The following HECW1 variants were observed in gnomAD, a reference collection of about 807,000 sequenced individuals.
The protein encoded by HECW1 is E3 ubiquitin-protein ligase HECW1.
HECW1 carries 61 observed loss-of-function variants against 182.3 expected under a neutral mutation model. The observed-to-expected ratio is 0.33, with a 90% CI of 0.27 to 0.41. The LOEUF (loss-of-function observed/expected upper bound fraction) is 0.41, where lower values mean the gene tolerates loss of function less well. Among genes scored for constraint, HECW1 ranks in the 10% least tolerant of loss-of-function variants. The pLI, the probability that HECW1 is intolerant of heterozygous loss-of-function variation, is 1.00. For synonymous variants in HECW1, 859 were observed against 832.6 expected (o/e 1.03, Z -0.55); for missense variants, 1,739 against 2,108.9 (o/e 0.82, Z 3.44).
chr7:43,549,134 T>G (rs888023999), intron 26 of HECW1, among the ~76,000 whole-genome samples: 1 of 152,164 alleles, frequency 6.6e-6, no homozygotes, highest in Non-Finnish European at 1.5e-5. Context: ...CAAGGAGGCC[T>G]CCTGACAGTG....
intron 2 of HECW1, among the ~76,000 whole-genome samples, chr7:43,141,111 T>C (rs1401475351): frequency 2.6e-5 from 4 of 152,208 alleles, no homozygotes; most frequent in Non-Finnish European, 5.9e-5. Flanking sequence ...CCGTCTTTGG[T>C]ATGGAGAAAG....
chr7:43,360,791 T>TA (rs1815774349), intron 5 of HECW1, 95 bp from the exon 6 acceptor site: 1 of 894,576 alleles, frequency 1.1e-6, no homozygotes, highest in Non-Finnish European at 1.9e-6. Flanking sequence ...GTGGGGGAAT[T>TA]ATGTTGCAGT....
chr7:43,370,190 G>T (rs1817155970), intron 6 of HECW1, among the ~76,000 whole-genome samples: 1 of 152,118 alleles, frequency 6.6e-6, no homozygotes, highest in African/African-American at 2.4e-5. Flanking sequence ...TTTTAAAAAT[G>T]GGCAAAACAC....
intron 5 of HECW1, among the ~76,000 whole-genome samples, chr7:43,339,360 G>A (rs529920023): frequency 1.3e-5 from 2 of 151,918 alleles, no homozygotes; most frequent in South Asian, 4.2e-4. Flanking sequence ...CCCGGTTTAC[G>A]AACCCTCTTT....
At chr7:43,337,079 T>C (rs1812389889) in intron 5 of HECW1, among the ~76,000 whole-genome samples, 1 of 152,222 alleles carries the variant, frequency 6.6e-6, no homozygotes, top group African/African-American at 2.4e-5. Context: ...TTGCTGGATC[T>C]AATGGTAGTT....
chr7:43,199,099 T>C (rs116997114), intron 2 of HECW1, among the ~76,000 whole-genome samples: 255 of 152,230 alleles, frequency 1.7e-3, no homozygotes, highest in Non-Finnish European at 2.7e-3. Context: ...CATTGCACAC[T>C]CTCTCTCTCC....
chr7:43,428,913 G>A (rs1332569125), intron 8 of HECW1, among the ~76,000 whole-genome samples: 1 of 151,868 alleles, frequency 6.6e-6, no homozygotes, highest in African/African-American at 2.4e-5. Context: ...TATAAATATA[G>A]ATATGGATAC....
chr7:43,136,827 T>C (rs1479236887), intron 2 of HECW1, among the ~76,000 whole-genome samples: 1 of 152,090 alleles, frequency 6.6e-6, no homozygotes, highest in Non-Finnish European at 1.5e-5. Flanking sequence ...GCACGTCCAC[T>C]CTCACTTGTT....
chr7:43,348,053 T>C (rs1367761658), intron 5 of HECW1, among the ~76,000 whole-genome samples: 2 of 152,218 alleles, frequency 1.3e-5, no homozygotes, highest in African/African-American at 2.4e-5. Flanking sequence ...TAGAGAGGGT[T>C]CCTTCTTTCT....
At position 43,250,570 on chromosome 7, in the gene HECW1, G is replaced by A. The variant is rs73318463; in HGVS notation, c.27+6638G>A. Among the ~76,000 whole-genome samples, 1,364 of 152,218 alleles carry A rather than the reference G, an allele frequency of 9.0e-3. 18 individuals carry two copies. Among genetic ancestry groups the A allele is most frequent in the African/African-American group, 0.031 (1,285 of 41,508 alleles). On this transcript the variant is annotated intron_variant, in intron 3 of 29. Coordinates refer to ENST00000395891, the MANE Select transcript of HECW1 (RefSeq NM_015052.5). ...TAAGAAGAGAGGACAGGGGAAGGAA[G>A]GTGGAGAAGAGAGCGCCAGGAACGT...
Position 43,336,043 on chromosome 7 carries a change from T to C in HECW1, c.460+15301T>C, listed in dbSNP as rs373063715. ...TTCTTTCTTTTTCTTTCTTTCTCTCTCCTTCCTTCCTTCCTCTCTCTTTCT... is the reference window on the plus strand; with the variant it reads ...TTCTTTCTTTTTCTTTCTTTCTCTCCCCTTCCTTCCTTCCTCTCTCTTTCT... On this transcript the variant is annotated intron_variant, in intron 5 of 29. Coordinates refer to ENST00000395891, the MANE Select transcript of HECW1 (RefSeq NM_015052.5). Among the ~76,000 whole-genome samples, 63 of 150,094 alleles carry C rather than the reference T, an allele frequency of 4.2e-4. 2 individuals carry two copies. The East Asian group carries it at 0.012, about 28-fold the overall frequency.
Position 43,565,777 on chromosome 7 carries a change from A to G in HECW1, c.*3851A>G, listed in dbSNP as rs1224387020. On this transcript the variant is annotated 3_prime_UTR_variant, in exon 30 of 30. Transcript: ENST00000395891. ...GTGCCTAGAGGTAGTATATAGAGTA[A>G]ATATTGTTCCTTTAGCCTACTTCCT... 2 of 185,086 alleles carry G rather than the reference A, an allele frequency of 1.1e-5. No homozygotes were observed. Among genetic ancestry groups the G allele is most frequent in the East Asian group, 1.7e-4 (2 of 11,502 alleles). 11.5% of individuals were successfully genotyped at this position (185,086 alleles called of 1,614,324 possible).
rs79886968 is a variant in HECW1, at chr7:43,261,206, A to G, written c.27+17274A>G. Among the ~76,000 whole-genome samples, 380 of 152,332 alleles carry G rather than the reference A, an allele frequency of 2.5e-3. 5 individuals carry two copies. Among genetic ancestry groups the G allele is most frequent in the Non-Finnish European group, 2.4e-3 (161 of 68,026 alleles). ...GGAACTGATAAGAGAAGTTATGGCT[A>G]GTGATGAATATTTGAAAATTATTGG... On this transcript the variant is annotated intron_variant, in intron 3 of 29. Coordinates refer to ENST00000395891, the MANE Select transcript of HECW1 (RefSeq NM_015052.5).
At chr7:43,168,999 G>C (rs913015053) in intron 2 of HECW1, among the ~76,000 whole-genome samples, 1 of 152,202 alleles carries the variant, frequency 6.6e-6, no homozygotes, top group Admixed American at 6.5e-5. Context: ...TGATTTCTTG[G>C]AGGACTTTAC....
chr7:43,124,411 A>G (rs570018225), intron 2 of HECW1, among the ~76,000 whole-genome samples: 3 of 152,374 alleles, frequency 2.0e-5, no homozygotes, highest in Admixed American at 6.5e-5. Context: ...TGAGATTTGA[A>G]AATTAGCTAA....
At chr7:43,284,875 C>G (rs1024329898) in intron 3 of HECW1, among the ~76,000 whole-genome samples, 1 of 152,054 alleles carries the variant, frequency 6.6e-6, no homozygotes, top group African/African-American at 2.4e-5. Flanking sequence ...AAGAAACACC[C>G]AAGGTTGCAG....
intron 29 of HECW1, among the ~76,000 whole-genome samples, chr7:43,559,553 A>T (rs1437790406): frequency 2.6e-5 from 4 of 152,218 alleles, no homozygotes; most frequent in African/African-American, 9.6e-5. Flanking sequence ...TGCACGCAGC[A>T]TATATTATTA....
In HECW1 at chr7:43,350,841, C is replaced by G. The variant is rs571370433; in HGVS notation, c.461-10045C>G. On this transcript the variant is annotated intron_variant, in intron 5 of 29. Coordinates refer to ENST00000395891, the MANE Select transcript of HECW1 (RefSeq NM_015052.5). Reference sequence around the variant, plus strand: ...GGTCCCTCCCTGATTAGCATAATAACTAACCTCCTGAATTCTTTTTCAGGT... The same window carrying G: ...GGTCCCTCCCTGATTAGCATAATAAGTAACCTCCTGAATTCTTTTTCAGGT... 2.0e-5 allele frequency among the ~76,000 whole-genome samples: 3 copies of G among 152,360 alleles called. No individual in the cohort carries two copies. In the East Asian group the frequency reaches 5.8e-4, roughly 29 times the overall value.
At chr7:43,377,319 T>C (rs1201906349) in intron 6 of HECW1, among the ~76,000 whole-genome samples, 1 of 152,198 alleles carries the variant, frequency 6.6e-6, no homozygotes, top group East Asian at 1.9e-4. Context: ...TTAACTATGA[T>C]CAACTCATTT....
Sources: gnomAD v4.1 joint callset for allele counts (sites outside exome capture counted in the v4.1 genomes callset) on GRCh38, gnomAD v4.1.1 for gene constraint, MANE v1.5 for transcripts, NCBI Gene and HGNC (gene_info 2026-07-23, HGNC 2026-07-21) for gene names.